LRGUK: variants seen among roughly 807,000 people sequenced by gnomAD.
LRGUK encodes the protein leucine-rich repeat and guanylate kinase domain-containing protein.
LRGUK carries 65 observed loss-of-function variants against 76.0 expected under a neutral mutation model. That is an observed-to-expected ratio of 0.85 (90% CI 0.70 to 1.05). The LOEUF (loss-of-function observed/expected upper bound fraction) is 1.05. Ranked by LOEUF, LRGUK falls within the 50% of genes least tolerant of loss-of-function variation. LRGUK has a pLI of 0.00. For missense variants in LRGUK, 758 were observed against 732.8 expected (o/e 1.03, Z -0.40); for synonymous variants, 268 against 265.6 (o/e 1.01, Z -0.09).
chr7:134,175,343 T>C (rs60962332), intron 8 of LRGUK, among the ~76,000 whole-genome samples: 2 of 152,336 alleles, frequency 1.3e-5, no homozygotes, highest in East Asian at 3.9e-4. Context: ...AGTAACTTTC[T>C]TTTTGTTTGT....
At chr7:134,148,392 G>A in intron 5 of LRGUK, 73 bp downstream of exon 5, 1 of 878,524 alleles carries the variant, frequency 1.1e-6, no homozygotes, top group Non-Finnish European at 1.8e-6. Context: ...TTCAAGAATT[G>A]TATTAGATTA....
intron 16 of LRGUK, among the ~76,000 whole-genome samples, chr7:134,233,294 C>T (rs1563194172): frequency 6.6e-6 from 1 of 152,196 alleles, no homozygotes; most frequent in Non-Finnish European, 1.5e-5. Flanking sequence ...GTTTTTCCTT[C>T]TAGAAGAAGC....
rs542783169 is a variant in LRGUK at position 134,182,460 on chromosome 7, C to T, written c.1215-1274C>T. Among the ~76,000 whole-genome samples, 8 of 152,262 alleles carry T rather than the reference C, an allele frequency of 5.3e-5. No homozygotes were observed. The East Asian group carries it at 1.2e-3, about 22-fold the overall frequency. On this transcript the variant is annotated intron_variant, in intron 10 of 15. Coordinates refer to ENST00000645682, the Ensembl canonical transcript of LRGUK. ...TCTTCCTCCTGCATTGACTGTAGTA[C>T]CACACAGGTTTTGTGGGTCCATGGC...
At chr7:134,183,189 T>G (rs541416218) in intron 10 of LRGUK, among the ~76,000 whole-genome samples, 1 of 152,370 alleles carries the variant, frequency 6.6e-6, no homozygotes, top group South Asian at 2.1e-4. Flanking sequence ...GTACTTCAGT[T>G]TCTTCATACG....
At chr7:134,204,226 A>G (rs1800909993) in intron 15 of LRGUK, among the ~76,000 whole-genome samples, 2 of 152,150 alleles carry the variant, frequency 1.3e-5, no homozygotes, top group Admixed American at 1.3e-4. Flanking sequence ...TTATTCTACA[A>G]CTATCAAGAA....
chr7:134,269,369 G>A (rs1453072479), downstream of LRGUK, among the ~76,000 whole-genome samples: 1 of 38,460 alleles, frequency 2.6e-5, no homozygotes, highest in African/African-American at 1.1e-4. Flanking sequence ...TTTTTTTTTT[G>A]AGACAGGGTC....
chr7:134,185,741 A>C (rs1207388763), intron 11 of LRGUK, among the ~76,000 whole-genome samples: 5 of 152,130 alleles, frequency 3.3e-5, no homozygotes, highest in Admixed American at 6.5e-5. Context: ...ATGCTATTAC[A>C]AAAAAACTTC....
intron 4 of LRGUK, 72 bp downstream of exon 4, chr7:134,143,234 T>A (rs1268667048): frequency 2.4e-6 from 2 of 828,582 alleles, no homozygotes; most frequent in African/African-American, 3.4e-5. Context: ...AAAATAGCAC[T>A]CAAATAGAGA....
At chr7:134,168,793 C>A (rs553856881) in intron 7 of LRGUK, among the ~76,000 whole-genome samples, 6 of 152,216 alleles carry the variant, frequency 3.9e-5, no homozygotes, top group African/African-American at 1.2e-4. Flanking sequence ...TTACTGTCAT[C>A]GAGAACCCCT....
intron 16 of LRGUK, among the ~76,000 whole-genome samples, chr7:134,224,674 A>G (rs912531938): frequency 2.7e-4 from 41 of 152,106 alleles, no homozygotes; most frequent in African/African-American, 9.9e-4. Flanking sequence ...ACCTGCACAT[A>G]TACCCCTGAA....
chr7:134,188,720 C>G (rs1234958289), intron 11 of LRGUK, among the ~76,000 whole-genome samples: 1 of 152,104 alleles, frequency 6.6e-6, no homozygotes, highest in Non-Finnish European at 1.5e-5. Flanking sequence ...TCTAGGAATA[C>G]CTGGGCTTTT....
At chr7:134,256,823 G>A (rs1052059437) in intron 18 of LRGUK, among the ~76,000 whole-genome samples, 4 of 152,124 alleles carry the variant, frequency 2.6e-5, no homozygotes, top group Admixed American at 1.3e-4. Flanking sequence ...TGTAAAGCAC[G>A]TGTGTGATTA....
chr7:134,213,290 G>A (rs563626789), downstream of LRGUK, among the ~76,000 whole-genome samples: 3 of 152,258 alleles, frequency 2.0e-5, no homozygotes, highest in South Asian at 6.2e-4. Context: ...TTTGAGGAGA[G>A]CAATACAGGA....
chr7:134,171,954 A>G (rs977598391), intron 7 of LRGUK, among the ~76,000 whole-genome samples: 1 of 152,156 alleles, frequency 6.6e-6, no homozygotes, highest in Non-Finnish European at 1.5e-5. Context: ...AGGTGAAGCC[A>G]GGCCACCCCA....
intron 1 of LRGUK, among the ~76,000 whole-genome samples, chr7:134,133,897 A>C (rs1797416519): frequency 6.6e-6 from 1 of 151,912 alleles, no homozygotes; most frequent in African/African-American, 2.4e-5. Context: ...CTGCCTCTAT[A>C]AAAAAATTAT....
intron 13 of LRGUK, among the ~76,000 whole-genome samples, chr7:134,198,355 T>C (rs1396912835): frequency 6.6e-6 from 1 of 152,206 alleles, no homozygotes; most frequent in East Asian, 1.9e-4. Flanking sequence ...TCACTCTTCC[T>C]CATTTCCAGG....
chr7:134,132,526 A>G (rs1294329358), intron 1 of LRGUK, among the ~76,000 whole-genome samples: 1 of 151,948 alleles, frequency 6.6e-6, no homozygotes, highest in East Asian at 1.9e-4. Flanking sequence ...GTTGAAGAGT[A>G]GTTGGGAGGC....
In LRGUK at chr7:134,154,056, T is replaced by C. The variant is rs141353911; in HGVS notation, c.671-3979T>C. ...CTTTACCCCAGTTGTAAAGTTATGC[T>C]TAAGTGCCACAGGGTTCCTTCATTC... is the stretch of plus-strand genomic sequence containing the variant. On this transcript the variant is annotated intron_variant, in intron 5 of 15. Transcript: ENST00000645682. 3.0e-3 allele frequency among the ~76,000 whole-genome samples: 457 copies of C among 152,326 alleles called. 3 individuals carry two copies. The highest frequency in any genetic ancestry group is 4.6e-3 in the Non-Finnish European group (315 of 68,026).
At chr7:134,233,166 G>A (rs1023880159) in intron 16 of LRGUK, among the ~76,000 whole-genome samples, 3 of 152,172 alleles carry the variant, frequency 2.0e-5, no homozygotes, top group Non-Finnish European at 4.4e-5. Context: ...TTATACTTCA[G>A]TCTCCCTCCC....
Sources: gnomAD v4.1 joint callset for allele counts (sites outside exome capture counted in the v4.1 genomes callset) on GRCh38, gnomAD v4.1.1 for gene constraint, MANE v1.5 for transcripts, NCBI Gene and HGNC (gene_info 2026-07-23, HGNC 2026-07-21) for gene names.